Variants in NUP214 observed in about 807,000 individuals in gnomAD.
NUP214 encodes nucleoporin 214.
A neutral mutation model predicts 196.2 loss-of-function variants in NUP214; 79 were observed. The ratio of observed to expected loss-of-function variants is 0.40; its 90% CI spans 0.34 to 0.49. NUP214 has a LOEUF of 0.49. Ranked by LOEUF, NUP214 falls within the 20% of genes least tolerant of loss-of-function variation. NUP214 has a pLI of 0.58. For synonymous variants in NUP214, 1,020 were observed against 990.5 expected (o/e 1.03, Z -0.56); for missense variants, 2,468 against 2,539.0 (o/e 0.97, Z 0.60).
intron 30 of NUP214, among the ~76,000 whole-genome samples, chr9:131,212,610 C>T (rs1834276793): frequency 6.6e-6 from 1 of 152,180 alleles, no homozygotes; most frequent in African/African-American, 2.4e-5. Flanking sequence ...CCATCCTCAG[C>T]CCTCTGTTAC....
intron 5 of NUP214, among the ~76,000 whole-genome samples, chr9:131,131,427 G>T (rs1831542229): frequency 6.6e-6 from 1 of 152,210 alleles, no homozygotes; most frequent in Admixed American, 6.5e-5. Context: ...ATTGAGCCTG[G>T]ACACGAAGGA....
chr9:131,130,561 C>T (rs552594924), intron 4 of NUP214, among the ~76,000 whole-genome samples: 4 of 152,162 alleles, frequency 2.6e-5, no homozygotes, highest in Admixed American at 6.5e-5. Context: ...GCATTTTTAG[C>T]TTTCAATTCA....
At chr9:131,130,708 G>T (rs1252369363) in intron 4 of NUP214, 58 bp from the exon 5 acceptor site, 2 of 1,430,880 alleles carry the variant, frequency 1.4e-6, no homozygotes, top group Non-Finnish European at 2.0e-6. Flanking sequence ...GTGTGTGATA[G>T]ATCTTATTGG....
In NUP214 at chr9:131,232,148, C is replaced by T. The variant is rs1834896431; in HGVS notation, c.6215-136C>T. ...AAAGGGGCTTCTGTGTGTACCTTTC[C>T]TGCCTTCCTGTAGGTGGTGGAGGCA... On this transcript the variant is annotated intron_variant, in intron 34 of 35. Transcript: ENST00000359428. The surrounding 1 kb of genome is among the most constrained non-coding windows in gnomAD (Gnocchi z 5.1). 2 of 830,400 alleles carry T rather than the reference C, an allele frequency of 2.4e-6. No homozygotes were observed. The highest frequency in any genetic ancestry group is 4.2e-6 in the Non-Finnish European group (2 of 477,096). 51.4% of individuals were successfully genotyped at this position (830,400 alleles called of 1,614,324 possible). A position where few individuals can be genotyped will look rare whatever the true frequency, so the allele number is the denominator to read the frequency against.
chr9:131,175,497 C>G lies in NUP214; in HGVS notation c.3195C>G (p.Ala1065=). 6.2e-7 allele frequency: 1 copy of G among 1,614,190 alleles called. No individual in the cohort carries two copies. ...TSASKIIPQG[A]DSTMLATKTV... ...CTAGCAAAATTATTCCTCAAGGGGC[C>G]GATAGCACAATGCTTGCCACGAAAA... The change falls in exon 23 of 36, where the codon GCC becomes GCG. Residue 1065 remains alanine, a synonymous_variant. Transcript: ENST00000359428.
At chr9:131,143,318 CT>C (rs1244489179) in intron 11 of NUP214, among the ~76,000 whole-genome samples, 20 of 150,090 alleles carry the variant, frequency 1.3e-4, no homozygotes, top group South Asian at 6.3e-4. Flanking sequence ...CTTCCATTGA[CT>C]TTTTTTTTTC....
intron 30 of NUP214, among the ~76,000 whole-genome samples, chr9:131,203,547 AG>A (rs760283367): frequency 1.2e-4 from 18 of 152,210 alleles, no homozygotes; most frequent in Admixed American, 2.0e-4. Context: ...ATACATCTTC[AG>A]GAAGAAATTT....
chr9:131,133,285 G>A (rs1440301362), intron 7 of NUP214, 76 bp downstream of exon 7: 2 of 895,664 alleles, frequency 2.2e-6, no homozygotes, highest in Non-Finnish European at 3.3e-6. Flanking sequence ...TTGATTTCAA[G>A]GGGTTTTTTT....
intron 23 of NUP214, among the ~76,000 whole-genome samples, chr9:131,177,715 A>G (rs1388909658): frequency 1.3e-5 from 2 of 152,098 alleles, no homozygotes; most frequent in Admixed American, 1.3e-4. Flanking sequence ...TTGGGATACA[A>G]TTTACAATTA....
At chr9:131,204,144 C>T (rs1227955857) in intron 30 of NUP214, among the ~76,000 whole-genome samples, 2 of 152,136 alleles carry the variant, frequency 1.3e-5, no homozygotes, top group African/African-American at 4.8e-5. Flanking sequence ...GAACTATGAG[C>T]AAGAGCCAGA....
chr9:131,155,353 C>T (rs1290202773), intron 17 of NUP214, among the ~76,000 whole-genome samples: 1 of 152,074 alleles, frequency 6.6e-6, no homozygotes, highest in Non-Finnish European at 1.5e-5. Flanking sequence ...TTTGTTCTTG[C>T]TGATATGTTT....
In NUP214 at chr9:131,144,608, A is replaced by G. The variant is rs558342171; in HGVS notation, c.1623A>G (p.Pro541=). Residue 541 remains proline, a synonymous_variant, in exon 12 of 36, where the codon CCA becomes CCG. Transcript: ENST00000359428. The stretch of plus-strand genomic sequence containing the variant: ...CCCCTGCAGCGTCTCCTGTGGCTCC[A>G]TCAGCTGCTTCATTCTCCTTTGGAT... ...APTPAASPVA[P]SAASFSFGSS... 3 of 1,613,870 alleles carry G rather than the reference A, an allele frequency of 1.9e-6. No homozygotes were observed. Among genetic ancestry groups the G allele is most frequent in the Non-Finnish European group, 2.5e-6 (3 of 1,180,002 alleles).
chr9:131,167,956 C>G (rs1452701809), intron 21 of NUP214, among the ~76,000 whole-genome samples: 1 of 152,202 alleles, frequency 6.6e-6, no homozygotes, highest in Non-Finnish European at 1.5e-5. Context: ...GCAGTCATAG[C>G]TCACTGCAGC....
chr9:131,126,364 A>C (rs1473971779), intron 1 of NUP214: 2 of 152,928 alleles, frequency 1.3e-5, no homozygotes, highest in African/African-American at 4.8e-5. Context: ...TCCCCCAGGG[A>C]TAACTTCAGG....
rs1372732113 is a variant in NUP214 at position 131,176,184 on chromosome 9, A to G, written c.3319+563A>G. On this transcript the variant is annotated intron_variant, in intron 23 of 35. Coordinates refer to ENST00000359428, the MANE Select transcript of NUP214 (RefSeq NM_005085.4). Reference sequence around the variant, plus strand: ...AAACAAACACAAACAAACAAAAAGAATGACCATTTTGTGTTTGAGTAATCT... The same window carrying G: ...AAACAAACACAAACAAACAAAAAGAGTGACCATTTTGTGTTTGAGTAATCT... Among the ~76,000 whole-genome samples the G allele has an allele frequency of 2.0e-5, 3 of 152,134 alleles. No homozygotes were observed. The East Asian group carries it at 5.8e-4, about 29-fold the overall frequency.
chr9:131,223,723 A>ATTTATTTATTTATTTTTATT (rs1554742606), intron 32 of NUP214, among the ~76,000 whole-genome samples: 1 of 18,968 alleles, frequency 5.3e-5, no homozygotes, highest in Non-Finnish European at 1.2e-4. Flanking sequence ...TTATTTATTT[A>ATTTATTTATTTATTTTTATT]TTTATTTTTT....
intron 23 of NUP214, 89 bp from the exon 24 acceptor site, chr9:131,178,222 C>T: frequency 1.1e-6 from 1 of 925,516 alleles, no homozygotes; most frequent in South Asian, 1.4e-5. Flanking sequence ...TGCTTGGGCT[C>T]ATGTCTTGGT....
chr9:131,172,879 A>T (rs1248478671), intron 21 of NUP214, among the ~76,000 whole-genome samples: 1 of 152,194 alleles, frequency 6.6e-6, no homozygotes, highest in Non-Finnish European at 1.5e-5. Flanking sequence ...TAACTTGGGG[A>T]GGGAAGAAAA....
At chr9:131,224,325 GTC>G (rs147073099) in intron 32 of NUP214, among the ~76,000 whole-genome samples, 5,492 of 152,240 alleles carry the variant, frequency 0.036, 113 homozygotes, top group African/African-American at 0.062. Context: ...CCCTGTTTCT[GTC>G]TCTGAGATCT....
Sources: gnomAD v4.1 joint callset for allele counts (sites outside exome capture counted in the v4.1 genomes callset) on GRCh38, gnomAD v4.1.1 for gene constraint, Gnocchi (gnomAD v3.1) non-coding constraint, MANE v1.5 for transcripts, NCBI Gene and HGNC (gene_info 2026-07-23, HGNC 2026-07-21) for gene names.